The following PPFIBP1 variants were observed in gnomAD, a reference collection of about 807,000 sequenced individuals.
The protein encoded by PPFIBP1 is liprin-beta-1.
PPFIBP1 carries 112 observed loss-of-function variants against 137.8 expected under a neutral mutation model. The ratio of observed to expected loss-of-function variants is 0.81; its 90% CI spans 0.70 to 0.95. PPFIBP1 has a LOEUF of 0.95. PPFIBP1 is among the 40% of genes least tolerant of loss of function. The probability of loss-of-function intolerance (pLI) is 0.00; values close to 1 mark genes in which losing one functional copy is unlikely to be tolerated. For missense variants in PPFIBP1, 1,083 were observed against 1,196.6 expected, an observed-to-expected ratio of 0.91 and a Z score of 1.40; for synonymous variants, 378 against 417.3, an observed-to-expected ratio of 0.91 and a Z score of 1.15.
At chr12:27,570,610 C>T (rs2050058137) in intron 1 of PPFIBP1, among the ~76,000 whole-genome samples, 1 of 152,096 alleles carries the variant, frequency 6.6e-6, no homozygotes, top group Admixed American at 6.5e-5. Context: ...GATAGCATAC[C>T]TCAGAGGGAG....
intron 1 of PPFIBP1, among the ~76,000 whole-genome samples, chr12:27,539,768 T>C (rs1945451073): frequency 6.6e-6 from 1 of 152,108 alleles, no homozygotes; most frequent in African/African-American, 2.4e-5. Flanking sequence ...ATAGAAAAAA[T>C]AGAGAAGACA....
intron 2 of PPFIBP1, among the ~76,000 whole-genome samples, chr12:27,595,524 A>G (rs117042648): frequency 0.033 from 5,004 of 152,280 alleles, 126 homozygotes; most frequent in Non-Finnish European, 0.048. Flanking sequence ...AAACGGGGAT[A>G]GAAAGCCACA....
At chr12:27,595,832 CA>C (rs1276618057) in intron 2 of PPFIBP1, among the ~76,000 whole-genome samples, 1 of 146,902 alleles carries the variant, frequency 6.8e-6, no homozygotes, top group Non-Finnish European at 1.5e-5. Flanking sequence ...CCAGCCTGGG[CA>C]ACAACAGCGA....
chr12:27,671,596 G>A lies in PPFIBP1; in HGVS notation c.1262+50G>A, dbSNP rs111976446. 7.0e-5 allele frequency: 85 copies of A among 1,212,562 alleles called. No homozygotes were observed. In the African/African-American group the frequency reaches 1.1e-3, roughly 16 times the overall value. 75.1% of individuals were successfully genotyped at this position (1,212,562 alleles called of 1,614,324 possible). A position where few individuals can be genotyped will look rare whatever the true frequency, so the allele number is the denominator to read the frequency against. ...TATAAATGTTCAAAAAAGTAGATCA[G>A]CCAAAGACAAGGATGTATTGCATTT... On this transcript the variant is annotated intron_variant, in intron 14 of 29. Transcript: ENST00000228425.
chr12:27,566,816 C>T (rs929358463), intron 1 of PPFIBP1, among the ~76,000 whole-genome samples: 2 of 152,266 alleles, frequency 1.3e-5, no homozygotes, highest in African/African-American at 4.8e-5. Flanking sequence ...TGGGATTCAG[C>T]CAAATCCCAG....
At chr12:27,643,091 G>T (rs2058230276) in intron 4 of PPFIBP1, among the ~76,000 whole-genome samples, 1 of 151,018 alleles carries the variant, frequency 6.6e-6, no homozygotes, top group South Asian at 2.1e-4. Flanking sequence ...AAGGCTCTGA[G>T]ATCACCTCCT....
chr12:27,656,555 C>T (rs2059211262), intron 8 of PPFIBP1, 61 bp from the exon 9 acceptor site: 4 of 1,002,636 alleles, frequency 4.0e-6, no homozygotes, highest in South Asian at 3.9e-5. Context: ...AGCTAATATG[C>T]TCTCTGAATG....
chr12:27,683,055 A>G (rs556486428), intron 24 of PPFIBP1, among the ~76,000 whole-genome samples: 15 of 152,212 alleles, frequency 9.9e-5, no homozygotes, highest in African/African-American at 3.6e-4. Flanking sequence ...TATATCTCAT[A>G]AAGATTTTTT....
intron 8 of PPFIBP1, among the ~76,000 whole-genome samples, chr12:27,655,830 G>A (rs556624784): frequency 1.3e-5 from 2 of 152,340 alleles, no homozygotes; most frequent in African/African-American, 2.4e-5. Flanking sequence ...AAAGCAAAAT[G>A]TGATGTTGAA....
chr12:27,665,811 T>A (rs1034620572), intron 12 of PPFIBP1, among the ~76,000 whole-genome samples: 27 of 152,026 alleles, frequency 1.8e-4, no homozygotes, highest in Middle Eastern at 3.4e-3. Flanking sequence ...AAAAAAAAAA[T>A]TTTGTACACA....
chr12:27,593,916 C>G, intron 2 of PPFIBP1: 1 of 1,497,148 alleles, frequency 6.7e-7, no homozygotes, highest in East Asian at 2.4e-5. Context: ...GGTGCGTCTT[C>G]CCAGGAGGTT....
Position 27,691,697 on chromosome 12 carries a change from A to T in PPFIBP1, c.2686-52A>T, listed in dbSNP as rs1223371016. The T allele has an allele frequency of 1.9e-5, 29 of 1,487,934 alleles. 1 individual carries two copies. Among genetic ancestry groups the T allele is most frequent in the Non-Finnish European group, 2.4e-5 (26 of 1,087,080 alleles). The allele number at this position is 1,487,934 out of a possible 1,614,324, so 92.2% of individuals were successfully genotyped here. A position where few individuals can be genotyped will look rare whatever the true frequency, so the allele number is the denominator to read the frequency against. On this transcript the variant is annotated intron_variant, in intron 27 of 29. Transcript: ENST00000228425. ...AATCACATGTTATCAGGCCTTGATT[A>T]TATGAATTTTATCAAATCCTTTGGA...
chr12:27,647,513 T>C (rs7959164), intron 5 of PPFIBP1, among the ~76,000 whole-genome samples: 96,573 of 152,054 alleles, frequency 0.64, 31,274 homozygotes, highest in Non-Finnish European at 0.67. Context: ...TCTACACGAA[T>C]TTTCTCCAAA....
At chr12:27,619,046 C>T (rs2056070878) in intron 2 of PPFIBP1, among the ~76,000 whole-genome samples, 1 of 152,054 alleles carries the variant, frequency 6.6e-6, no homozygotes, top group Non-Finnish European at 1.5e-5. Flanking sequence ...TGGGGAGAGA[C>T]AAGTGCTATA....
chr12:27,650,597 C>T (rs2058819822), intron 7 of PPFIBP1, among the ~76,000 whole-genome samples: 1 of 152,142 alleles, frequency 6.6e-6, no homozygotes. Context: ...ACAGACAGAG[C>T]TTTTTTGAGG....
chr12:27,632,639 G>C, intron 2 of PPFIBP1, among the ~76,000 whole-genome samples: 1 of 152,192 alleles, frequency 6.6e-6, no homozygotes, highest in East Asian at 1.9e-4. Context: ...ACCTAGGTTA[G>C]AAACTGAACT....
intron 2 of PPFIBP1, chr12:27,608,802 A>G (rs1320671931): frequency 1.7e-5 from 3 of 174,886 alleles, no homozygotes; most frequent in Non-Finnish European, 3.7e-5. Context: ...CAGTGTCTCC[A>G]TTTTCTGCAG....
At chr12:27,685,686 G>A (rs2140452066) in intron 24 of PPFIBP1, among the ~76,000 whole-genome samples, 1 of 152,178 alleles carries the variant, frequency 6.6e-6, no homozygotes, top group South Asian at 2.1e-4. Context: ...AACAGAAGAA[G>A]GACCTTACTG....
intron 13 of PPFIBP1, among the ~76,000 whole-genome samples, chr12:27,669,752 G>C (rs559810562): frequency 1.3e-5 from 2 of 152,108 alleles, no homozygotes; most frequent in Non-Finnish European, 2.9e-5. Flanking sequence ...ATAATAATTC[G>C]ACTTCACATT....
Sources: allele counts gnomAD v4.1 joint callset (sites outside exome capture counted in the v4.1 genomes callset), GRCh38; gene constraint gnomAD v4.1.1; transcripts MANE v1.5; gene names NCBI Gene and HGNC (gene_info 2026-07-23, HGNC 2026-07-21).